The following PDXK variants were observed in gnomAD, a reference collection of about 807,000 sequenced individuals.
The protein encoded by PDXK is pyridoxal kinase.
PDXK carries 15 observed loss-of-function variants against 43.2 expected under a neutral mutation model. That is an observed-to-expected ratio of 0.35 (90% CI 0.23 to 0.53). The LOEUF (loss-of-function observed/expected upper bound fraction) is 0.53, where lower values mean the gene tolerates loss of function less well. Ranked by LOEUF, PDXK falls within the 20% of genes least tolerant of loss-of-function variation. The pLI is 0.92. For missense variants in PDXK, 343 were observed against 417.0 expected, an observed-to-expected ratio of 0.82 and a Z score of 1.54; for synonymous variants, 172 against 165.4, an observed-to-expected ratio of 1.04 and a Z score of -0.31.
chr21:43,740,202 C>T (rs1042959414), intron 2 of PDXK, among the ~76,000 whole-genome samples: 4 of 152,096 alleles, frequency 2.6e-5, no homozygotes, highest in Non-Finnish European at 5.9e-5. Context: ...GCCACACGTC[C>T]TCCCGTGCGA....
intron 1 of PDXK, among the ~76,000 whole-genome samples, chr21:43,722,877 G>A (rs1208723226): frequency 6.6e-6 from 1 of 152,170 alleles, no homozygotes; most frequent in Admixed American, 6.5e-5. Flanking sequence ...TTGCTGTGTT[G>A]CCCAGGCAGA....
chr21:43,735,342 G>A lies in PDXK; in HGVS notation c.142+1219G>A, dbSNP rs558266850. Among the ~76,000 whole-genome samples the A allele has an allele frequency of 1.7e-4, 26 of 152,328 alleles. No homozygotes were observed. Among genetic ancestry groups the A allele is most frequent in the Admixed American group, 7.2e-4 (11 of 15,304 alleles). ...GTTTCTGGGGACTGTGTTGGGCTCC[G>A]TCAGTGCTGGTTCAACATCCACACC... On this transcript the variant is annotated intron_variant, in intron 2 of 10. Coordinates refer to ENST00000291565, the MANE Select transcript of PDXK (RefSeq NM_003681.5). The surrounding 1 kb of genome is among the most constrained non-coding windows in gnomAD (Gnocchi z 5.3).
rs1192900935 is a variant in PDXK, at chr21:43,737,478, G to A, written c.142+3355G>A. ...CTGGAGCTCCCTGTCTGAGCTTCCC[G>A]GACTGAGGGCACTGGGAAGGAGCCT... On this transcript the variant is annotated intron_variant, in intron 2 of 10. Coordinates refer to ENST00000291565, the MANE Select transcript of PDXK (RefSeq NM_003681.5). The surrounding 1 kb of genome is among the most constrained non-coding windows in gnomAD (Gnocchi z 4.8). 19 of 1,056,728 alleles carry A rather than the reference G, an allele frequency of 1.8e-5. No individual in the cohort carries two copies. Among genetic ancestry groups the A allele is most frequent in the Admixed American group, 5.0e-5 (1 of 19,934 alleles). 65.5% of individuals were successfully genotyped at this position (1,056,728 alleles called of 1,614,324 possible).
rs2083331678 is a variant in PDXK, at chr21:43,732,431, G to A, written c.88-1638G>A. 6.2e-7 allele frequency: 1 copy of A among 1,612,846 alleles called. No homozygotes were observed. Among genetic ancestry groups the A allele is most frequent in the Non-Finnish European group, 8.5e-7 (1 of 1,179,848 alleles). On this transcript the variant is annotated intron_variant, in intron 1 of 10. Transcript: ENST00000291565. This position sits in a 1 kb window ranked among gnomAD's most constrained non-coding sequence, Gnocchi z 4.1. ...AGCTTGCGATGCTGATGAATAAGCT[G>A]ATTTTGATGGGGTGTGTGAAACGGA...
chr21:43,753,689 G>A lies in PDXK; in HGVS notation c.729G>A (p.Ala243=), dbSNP rs755450554. ...ACCTGTTTGCTGCCATGCTCCTGGCGTGGACACACAAGCACCCCAATAACC... is the reference window on the plus strand; with the variant it reads ...ACCTGTTTGCTGCCATGCTCCTGGCATGGACACACAAGCACCCCAATAACC... The part of the protein sequence containing the change: ...TGDLFAAMLL[A]WTHKHPNNLK... Residue 243 remains alanine, a synonymous_variant, in exon 9 of 11, where the codon GCG becomes GCA. Coordinates refer to ENST00000291565, the MANE Select transcript of PDXK (RefSeq NM_003681.5). 3.7e-6 allele frequency: 6 copies of A among 1,613,486 alleles called. No individual in the cohort carries two copies. Among genetic ancestry groups the A allele is most frequent in the South Asian group, 2.2e-5 (2 of 90,998 alleles).
chr21:43,728,822 C>T (rs372399448), intron 1 of PDXK: 1 of 985,600 alleles, frequency 1.0e-6, no homozygotes, highest in Non-Finnish European at 1.2e-6. Context: ...GCGGTCCAGC[C>T]GGATGACTGA....
intron 1 of PDXK, among the ~76,000 whole-genome samples, chr21:43,721,097 C>T (rs557255877): frequency 1.3e-5 from 2 of 152,332 alleles, no homozygotes; most frequent in East Asian, 3.9e-4. Flanking sequence ...AGGCATTTTG[C>T]TCCCATACCC....
rs1158118561 is a variant in PDXK at position 43,741,667 on chromosome 21, G to A, written c.143G>A (p.Gly48Asp). Residue 48 changes from glycine (G) to aspartate (D), a missense_variant and splice_region_variant, in exon 3 of 11, where the codon GGC (glycine) becomes GAC (aspartate). Coordinates refer to ENST00000291565, the MANE Select transcript of PDXK (RefSeq NM_003681.5). ...CCCCCATGGCTTCCTCTGCCTCTAG[G>A]CTATGCCCACTGGAAGGGCCAAGTG... is the stretch of plus-strand genomic sequence containing the variant. ...VNSVQFSNHTGYAHWKGQVLN... is the reference protein window; with the variant it reads ...VNSVQFSNHTDYAHWKGQVLN... 2.5e-6 allele frequency: 4 copies of A among 1,612,002 alleles called. No individual in the cohort carries two copies. Among genetic ancestry groups the A allele is most frequent in the Non-Finnish European group, 3.4e-6 (4 of 1,178,366 alleles).
chr21:43,749,409 A>G (rs766890371), intron 6 of PDXK, among the ~76,000 whole-genome samples: 4 of 152,232 alleles, frequency 2.6e-5, no homozygotes, highest in Non-Finnish European at 4.4e-5. Flanking sequence ...CCAGCAGAGT[A>G]AGTTATTTTA....
intron 7 of PDXK, among the ~76,000 whole-genome samples, chr21:43,750,783 GGTGTGTGTGTGGAT>G (rs1158737661): frequency 2.8e-5 from 4 of 140,634 alleles, no homozygotes; most frequent in African/African-American, 1.1e-4. Context: ...ATTGTGTGTG[GGTGTGTGTGTGGAT>G]GTGTGCGTGT....
intron 2 of PDXK, 136 bp from the exon 3 acceptor site, chr21:43,741,531 C>A (rs73375214): frequency 1.3e-6 from 2 of 1,486,130 alleles, no homozygotes; most frequent in Non-Finnish European, 1.8e-6. Context: ...TAGTGATCTC[C>A]TTCGGGTTTG....
chr21:43,755,835 A>G (rs2083840098), intron 10 of PDXK, 71 bp downstream of exon 10: 1 of 1,496,294 alleles, frequency 6.7e-7, no homozygotes, highest in East Asian at 2.3e-5. Flanking sequence ...AAGAGCTGGC[A>G]CGTGCTGGTT....
Position 43,762,019 on chromosome 21 carries a change from T to C in PDXK, c.*5956T>C, listed in dbSNP as rs1370715803. 6.5e-6 allele frequency: 1 copy of C among 153,842 alleles called. No individual in the cohort carries two copies. Among genetic ancestry groups the C allele is most frequent in the African/African-American group, 2.4e-5 (1 of 41,468 alleles). 9.5% of individuals were successfully genotyped at this position (153,842 alleles called of 1,614,324 possible). A position where few individuals can be genotyped will look rare whatever the true frequency, so the allele number is the denominator to read the frequency against. On this transcript the variant is annotated 3_prime_UTR_variant, in exon 11 of 11. Transcript: ENST00000291565. Reference sequence around the variant, plus strand: ...GAGCTTCATCTAGTGATTGCAAAACTGGACCAATGGGAGGACGGCGGCGCA... The same window carrying C: ...GAGCTTCATCTAGTGATTGCAAAACCGGACCAATGGGAGGACGGCGGCGCA...
rs1048609099 is a variant in PDXK, at chr21:43,732,095, G to A, written c.88-1974G>A. On this transcript the variant is annotated intron_variant, in intron 1 of 10. Coordinates refer to ENST00000291565, the MANE Select transcript of PDXK (RefSeq NM_003681.5). This position sits in a 1 kb window ranked among gnomAD's most constrained non-coding sequence, Gnocchi z 4.1. ...CTGCCCCTGTGGGGAGAAGAGCCCC[G>A]GGGGAAGAAGAGCACTGCTGACAGA... 40 of 1,199,536 alleles carry A rather than the reference G, an allele frequency of 3.3e-5. No homozygotes were observed. The highest frequency in any genetic ancestry group is 4.0e-5 in the East Asian group (1 of 24,806). The allele number at this position is 1,199,536 out of a possible 1,614,324, so 74.3% of individuals were successfully genotyped here.
At chr21:43,733,411 G>A (rs978968564) in intron 1 of PDXK, among the ~76,000 whole-genome samples, 2 of 152,162 alleles carry the variant, frequency 1.3e-5, no homozygotes, top group Non-Finnish European at 2.9e-5. Flanking sequence ...CTGGTGCACG[G>A]GAGAGGGTGG....
chr21:43,740,243 T>C (rs1471839367), intron 2 of PDXK, among the ~76,000 whole-genome samples: 1 of 152,058 alleles, frequency 6.6e-6, no homozygotes, highest in Non-Finnish European at 1.5e-5. Context: ...AGGCGTCCCT[T>C]CCAGCGGGAG....
At chr21:43,741,817 C>A in intron 3 of PDXK, 46 bp downstream of exon 3, 2 of 1,306,558 alleles carry the variant, frequency 1.5e-6, no homozygotes, top group South Asian at 1.2e-5. Flanking sequence ...CACCCCACTC[C>A]AGCCAGGGTG....
At position 43,755,956 on chromosome 21, in the gene PDXK, G is replaced by A. The variant is rs2083842925; in HGVS notation, c.832G>A (p.Ala278Thr). ...GCTCTCTGCCTGCCCCGCAGCCCAG[G>A]CCGGGGAAGGAGTGAGGCCCAGCCC... ...QRTIQCAKAQ[A>T]GEGVRPSPMQ... Residue 278 changes from alanine to threonine, a missense_variant, in exon 11 of 11, where the codon GCC (alanine) becomes ACC (threonine). Ala to Thr is a moderately conservative substitution (Grantham distance 58). Transcript: ENST00000291565. The A allele has an allele frequency of 5.0e-6, 8 of 1,608,106 alleles. No individual in the cohort carries two copies. The East Asian group carries it at 1.8e-4, about 36-fold the overall frequency.
chr21:43,733,744 G>A (rs2083358043), intron 1 of PDXK: 1 of 999,822 alleles, frequency 1.0e-6, no homozygotes, highest in Non-Finnish European at 1.3e-6. Flanking sequence ...GTCTTATTGA[G>A]TGCTTTCGCT....
Sources: gnomAD v4.1 joint callset for allele counts (sites outside exome capture counted in the v4.1 genomes callset) on GRCh38, gnomAD v4.1.1 for gene constraint, Gnocchi (gnomAD v3.1) non-coding constraint, MANE v1.5 for transcripts, NCBI Gene and HGNC (gene_info 2026-07-23, HGNC 2026-07-21) for gene names.